Variants in SARM1 observed in about 807,000 individuals in gnomAD.
SARM1 encodes the protein sterile alpha and TIR motif containing 1, also known as NAD(+) hydrolase SARM1.
In SARM1, 60 loss-of-function variants were observed where a neutral mutation model predicts 65.1. The ratio of observed to expected loss-of-function variants is 0.92; its 90% CI spans 0.75 to 1.14. SARM1 has a LOEUF of 1.14. Among genes scored for constraint, SARM1 ranks in the 50% most tolerant of loss-of-function variants. The probability of loss-of-function intolerance (pLI) is 0.00; values close to 1 mark genes in which losing one functional copy is unlikely to be tolerated. For missense variants in SARM1, 913 were observed against 1,015.7 expected (o/e 0.90, Z 1.37); for synonymous variants, 417 against 465.4 (o/e 0.90, Z 1.34).
At chr17:28,388,113 T>C (rs2068061435) in intron 5 of SARM1, 61 bp from the exon 6 acceptor site, 1 of 1,233,670 alleles carries the variant, frequency 8.1e-7, no homozygotes, top group South Asian at 1.3e-5. Flanking sequence ...AGGGATGATA[T>C]ACCTGACAGT....
In SARM1 at chr17:28,402,244, CTG is replaced by C; in HGVS notation, c.*5960_*5961del. ...GGTGGGTTCTGACACTCACCCTGCTCTGTCTCTCTCACCAGCTTGGAGAGTTT... is the reference window on the plus strand; with the variant it reads ...GGTGGGTTCTGACACTCACCCTGCTCTCTCTCTCACCAGCTTGGAGAGTTT... On this transcript the variant is annotated 3_prime_UTR_variant, in exon 9 of 9. Coordinates refer to ENST00000585482, the MANE Select transcript of SARM1 (RefSeq NM_015077.4). 2 of 1,612,968 alleles carry C rather than the reference CTG, an allele frequency of 1.2e-6. No homozygotes were observed. The highest frequency in any genetic ancestry group is 1.7e-6 in the Non-Finnish European group (2 of 1,179,472).
Position 28,385,482 on chromosome 17 carries a change from G to A in SARM1, c.1630+207G>A. The A allele has an allele frequency of 1.7e-6, 1 of 576,090 alleles. No individual in the cohort carries two copies. The highest frequency in any genetic ancestry group is 3.0e-6 in the Non-Finnish European group (1 of 329,308). The allele number at this position is 576,090 out of a possible 1,614,324, so 35.7% of individuals were successfully genotyped here. Reference sequence around the variant, plus strand: ...CCAGTCTGAGGTGGGTAGGCGGTGGGAGGAAGGAGGCTATTAAACAGGCAA... The same window carrying A: ...CCAGTCTGAGGTGGGTAGGCGGTGGAAGGAAGGAGGCTATTAAACAGGCAA... On this transcript the variant is annotated intron_variant, in intron 5 of 8. Coordinates refer to ENST00000585482, the MANE Select transcript of SARM1 (RefSeq NM_015077.4). This position sits in a 1 kb window ranked among gnomAD's most constrained non-coding sequence, Gnocchi z 4.5.
Position 28,375,800 on chromosome 17 carries a change from GC to G in SARM1, c.470+3301del, listed in dbSNP as rs1363717189. On this transcript the variant is annotated intron_variant, in intron 1 of 8. Coordinates refer to ENST00000585482, the MANE Select transcript of SARM1 (RefSeq NM_015077.4). ...GACCAGCCTGGGCAGCATAGTGAGA[GC>G]CCTGTCTCAATTTTTTAAAATTAAA... is the stretch of plus-strand genomic sequence containing the variant. 5.2e-4 allele frequency among the ~76,000 whole-genome samples: 79 copies of G among 152,136 alleles called. 1 individual carries two copies. Among genetic ancestry groups the G allele is most frequent in the African/African-American group, 1.8e-3 (74 of 41,486 alleles).
chr17:28,391,774 T>G (rs1420348805), intron 7 of SARM1, among the ~76,000 whole-genome samples: 5 of 142,438 alleles, frequency 3.5e-5, no homozygotes, highest in African/African-American at 1.3e-4. Context: ...TATAGAACAA[T>G]TGAATCAATG....
intron 7 of SARM1, among the ~76,000 whole-genome samples, chr17:28,388,929 G>C (rs6505077): frequency 0.69 from 104,595 of 151,838 alleles, 37,104 homozygotes; most frequent in East Asian, 0.96. Flanking sequence ...CGCCACCACG[G>C]CTGGCTAATT....
At position 28,399,703 on chromosome 17, in the gene SARM1, T is replaced by G; in HGVS notation, c.*3417T>G. 2 of 1,613,926 alleles carry G rather than the reference T, an allele frequency of 1.2e-6. No homozygotes were observed. Among genetic ancestry groups the G allele is most frequent in the Non-Finnish European group, 1.7e-6 (2 of 1,179,872 alleles). On this transcript the variant is annotated 3_prime_UTR_variant, in exon 9 of 9. Coordinates refer to ENST00000585482, the MANE Select transcript of SARM1 (RefSeq NM_015077.4). ...TGGAACTCGAGGTGAGGATCAGCCTTTTCCAGCATCCTGTGAGAGACCAGA... is the reference window on the plus strand; with the variant it reads ...TGGAACTCGAGGTGAGGATCAGCCTGTTCCAGCATCCTGTGAGAGACCAGA...
chr17:28,400,778 TA>T lies in SARM1; in HGVS notation c.*4495del. On this transcript the variant is annotated 3_prime_UTR_variant, in exon 9 of 9. Transcript: ENST00000585482. Reference sequence around the variant, plus strand: ...AGAAAAGAGAGCACCTGTGAAGAAATAAATACCATACTCTGGAGTCCGAAAG... The same window carrying T: ...AGAAAAGAGAGCACCTGTGAAGAAATAATACCATACTCTGGAGTCCGAAAG... 1 of 1,554,884 alleles carries T rather than the reference TA, an allele frequency of 6.4e-7. No individual in the cohort carries two copies. The highest frequency in any genetic ancestry group is 8.7e-7 in the Non-Finnish European group (1 of 1,149,240).
At chr17:28,380,927 T>C (rs1358006948) in intron 1 of SARM1, among the ~76,000 whole-genome samples, 6 of 152,238 alleles carry the variant, frequency 3.9e-5, no homozygotes, top group African/African-American at 1.4e-4. Flanking sequence ...CCAGGGGATC[T>C]GCTCCTGAGC....
At chr17:28,383,811 G>A (rs1321637308) in intron 2 of SARM1, among the ~76,000 whole-genome samples, 1 of 152,224 alleles carries the variant, frequency 6.6e-6, no homozygotes, top group African/African-American at 2.4e-5. Flanking sequence ...GGGCCAGGAT[G>A]TGGGGGAATC....
chr17:28,398,390 C>A lies in SARM1; in HGVS notation c.*2104C>A, dbSNP rs1209784991. On this transcript the variant is annotated 3_prime_UTR_variant, in exon 9 of 9. Transcript: ENST00000585482. ...CAGCTGGAACAGCTGAAGTCACAAG[C>A]CTCCTCTAAGCCAAGGCCAGTGTGT... 6.6e-6 allele frequency: 1 copy of A among 152,368 alleles called. No homozygotes were observed. The highest frequency in any genetic ancestry group is 1.9e-4 in the East Asian group (1 of 5,200). The allele number at this position is 152,368 out of a possible 1,614,324, so 9.4% of individuals were successfully genotyped here.
Position 28,401,170 on chromosome 17 carries a change from T to C in SARM1, c.*4884T>C. On this transcript the variant is annotated 3_prime_UTR_variant, in exon 9 of 9. Coordinates refer to ENST00000585482, the MANE Select transcript of SARM1 (RefSeq NM_015077.4). ...ATCAGTTCCAATATTCATAGCGGTG[T>C]CACCACTGAATAGCTTCTTATCCTT... 4.0e-6 allele frequency: 1 copy of C among 251,706 alleles called. No individual in the cohort carries two copies. The highest frequency in any genetic ancestry group is 4.9e-5 in the Admixed American group (1 of 20,498). The allele number at this position is 251,706 out of a possible 1,614,324, so 15.6% of individuals were successfully genotyped here.
At position 28,390,669 on chromosome 17, in the gene SARM1, T is replaced by C. The variant is rs1217995669; in HGVS notation, c.1923+2130T>C. On this transcript the variant is annotated intron_variant, in intron 7 of 8. Transcript: ENST00000585482. ...TCCCTAGGCTCCTTAGGTAGGAATT[T>C]GGGCAAGATAAAAAAAAAAAAAATC... Among the ~76,000 whole-genome samples, 9 of 151,666 alleles carry C rather than the reference T, an allele frequency of 5.9e-5. No individual in the cohort carries two copies. In the East Asian group the frequency reaches 1.7e-3, roughly 29 times the overall value.
chr17:28,379,589 C>T (rs1374888883), intron 1 of SARM1, among the ~76,000 whole-genome samples: 4 of 152,042 alleles, frequency 2.6e-5, no homozygotes, highest in Non-Finnish European at 4.4e-5. Context: ...GGATTACAGG[C>T]GTGAGCCACC....
Position 28,381,765 on chromosome 17 carries a change from G to T in SARM1, c.1033G>T (p.Gly345Trp), listed in dbSNP as rs571589599. Residue 345 changes from glycine (G) to tryptophan (W), a missense_variant, in exon 2 of 9, where the codon GGG becomes TGG. Transcript: ENST00000585482. ...DSNRLEAQCI[G>W]AFYLCAEAAI... ...TAACCGCTTGGAGGCGCAGTGCATC[G>T]GGGCTTTCTACCTCTGCGCCGAGGC... The T allele has an allele frequency of 8.1e-6, 12 of 1,485,740 alleles. No homozygotes were observed. The highest frequency in any genetic ancestry group is 2.5e-5 in the Admixed American group (1 of 39,438). 92.0% of individuals were successfully genotyped at this position (1,485,740 alleles called of 1,614,324 possible).
At chr17:28,380,128 T>C (rs1225611874) in intron 1 of SARM1, among the ~76,000 whole-genome samples, 3 of 151,180 alleles carry the variant, frequency 2.0e-5, no homozygotes, top group Admixed American at 6.6e-5. Flanking sequence ...CACTTTGTTG[T>C]CCAGGATGGT....
In SARM1 at chr17:28,400,790, T is replaced by C; in HGVS notation, c.*4504T>C. ...ACCTGTGAAGAAATAAATACCATAC[T>C]CTGGAGTCCGAAAGGGCCATATTCC... On this transcript the variant is annotated 3_prime_UTR_variant, in exon 9 of 9. Coordinates refer to ENST00000585482, the MANE Select transcript of SARM1 (RefSeq NM_015077.4). The C allele has an allele frequency of 6.4e-7, 1 of 1,550,748 alleles. No individual in the cohort carries two copies.
At position 28,399,338 on chromosome 17, in the gene SARM1, T is replaced by C; in HGVS notation, c.*3052T>C. 3.0e-6 allele frequency: 1 copy of C among 328,006 alleles called. No homozygotes were observed. The highest frequency in any genetic ancestry group is 5.8e-6 in the Non-Finnish European group (1 of 172,838). The allele number at this position is 328,006 out of a possible 1,614,324, so 20.3% of individuals were successfully genotyped here. A position where few individuals can be genotyped will look rare whatever the true frequency, so the allele number is the denominator to read the frequency against. Reference sequence around the variant, plus strand: ...TCTGGTCCCTGAAGTGTCACCTCTCTCAGGACCTCTCCTCTGGCCTGTGGG... The same window carrying C: ...TCTGGTCCCTGAAGTGTCACCTCTCCCAGGACCTCTCCTCTGGCCTGTGGG... On this transcript the variant is annotated 3_prime_UTR_variant, in exon 9 of 9. Transcript: ENST00000585482.
chr17:28,386,942 T>C (rs1005723442), intron 5 of SARM1, among the ~76,000 whole-genome samples: 5 of 152,168 alleles, frequency 3.3e-5, no homozygotes, highest in Non-Finnish European at 7.3e-5. Context: ...TTTCACTATG[T>C]TGCCCAGGCT....
In SARM1 at chr17:28,384,419, C is replaced by T; in HGVS notation, c.1152C>T (p.Gly384=). ...GCCTGGTTTCCTACTCTACCAATGGCACTAAGTCGGCGCTGGCCAAGCGCG... is the reference window on the plus strand; with the variant it reads ...GCCTGGTTTCCTACTCTACCAATGGTACTAAGTCGGCGCTGGCCAAGCGCG... ...LKRLVSYSTN[G]TKSALAKRAL... The change falls in exon 3 of 9, where the codon GGC becomes GGT. Residue 384 remains glycine, a synonymous_variant. Coordinates refer to ENST00000585482, the MANE Select transcript of SARM1 (RefSeq NM_015077.4). This position sits in a 1 kb window ranked among gnomAD's most constrained non-coding sequence, Gnocchi z 4.4. 3 of 1,612,856 alleles carry T rather than the reference C, an allele frequency of 1.9e-6. No homozygotes were observed. The highest frequency in any genetic ancestry group is 1.7e-6 in the Non-Finnish European group (2 of 1,179,334).
Sources: gnomAD v4.1 joint callset for allele counts (sites outside exome capture counted in the v4.1 genomes callset) on GRCh38, gnomAD v4.1.1 for gene constraint, Gnocchi (gnomAD v3.1) non-coding constraint, MANE v1.5 for transcripts, NCBI Gene and HGNC (gene_info 2026-07-23, HGNC 2026-07-21) for gene names.